Variants in PDK1 observed in about 807,000 individuals in gnomAD.
PDK1 encodes the protein [Pyruvate dehydrogenase (acetyl-transferring)] kinase isozyme 1, mitochondrial.
A neutral mutation model predicts 54.2 loss-of-function variants in PDK1; 39 were observed. The observed-to-expected ratio is 0.72, with a 90% confidence interval of 0.56 to 0.94. The LOEUF (loss-of-function observed/expected upper bound fraction) is 0.94. Among genes scored for constraint, PDK1 ranks in the 40% least tolerant of loss-of-function variants. PDK1 has a pLI of 0.00. For missense variants in PDK1, 552 were observed against 566.0 expected (o/e 0.98, Z 0.25); for synonymous variants, 221 against 207.1 (o/e 1.07, Z -0.58).
At chr2:172,688,729 CT>C in the PDK1 span, among the ~76,000 whole-genome samples, 1 of 152,296 alleles carries the variant, frequency 6.6e-6, no homozygotes, top group African/African-American at 2.4e-5. Context: ...TGCACTCCCC[CT>C]AGCACCTGTA....
chr2:172,700,273 C>T, the PDK1 span, among the ~76,000 whole-genome samples: 3 of 152,154 alleles, frequency 2.0e-5, no homozygotes, highest in Non-Finnish European at 4.4e-5. Context: ...CTGTTGGGTA[C>T]ACCTCCCAGA....
At chr2:172,592,377 CTCTT>C (rs1248588275) in intron 9 of PDK1, among the ~76,000 whole-genome samples, 7 of 152,162 alleles carry the variant, frequency 4.6e-5, no homozygotes, top group African/African-American at 1.7e-4. Context: ...TTTTGTGTCT[CTCTT>C]TCTCTCTCTC....
chr2:172,710,254 A>T, the PDK1 span, among the ~76,000 whole-genome samples: 1 of 152,246 alleles, frequency 6.6e-6, no homozygotes, highest in Admixed American at 6.5e-5. Context: ...AAGCTGATCC[A>T]AATTCACAAA....
the PDK1 span, among the ~76,000 whole-genome samples, chr2:172,695,610 G>C: frequency 2.0e-5 from 3 of 152,166 alleles, no homozygotes; most frequent in Non-Finnish European, 4.4e-5. Context: ...TATGGCAAAG[G>C]TGATAGATGC....
intron 3 of PDK1, chr2:172,562,601 A>G (rs1404914252): frequency 6.2e-6 from 4 of 643,748 alleles, no homozygotes; most frequent in Non-Finnish European, 8.2e-6. Flanking sequence ...GCCCCAGCTG[A>G]TCTTTGCCAT....
chr2:172,574,292 A>G (rs568568477), intron 8 of PDK1, among the ~76,000 whole-genome samples: 1 of 152,322 alleles, frequency 6.6e-6, no homozygotes, highest in African/African-American at 2.4e-5. Flanking sequence ...TGATGTATAT[A>G]TCTCTCGTTA....
the PDK1 span, among the ~76,000 whole-genome samples, chr2:172,690,911 G>T: frequency 5.0e-3 from 744 of 149,882 alleles, 51 homozygotes; most frequent in South Asian, 0.02. Flanking sequence ...TGAGTTGATG[G>T]GTACAGCAAA....
At chr2:172,719,249 G>T in the PDK1 span, among the ~76,000 whole-genome samples, 1 of 152,176 alleles carries the variant, frequency 6.6e-6, no homozygotes, top group East Asian at 1.9e-4. Context: ...CCAGCATTTG[G>T]AGGTTATGAA....
At chr2:172,722,232 C>T in the PDK1 span, among the ~76,000 whole-genome samples, 3 of 152,240 alleles carry the variant, frequency 2.0e-5, no homozygotes, top group African/African-American at 7.2e-5. Context: ...TCCCATCCCC[C>T]AAGCCTGGAG....
In PDK1 at chr2:172,597,736, C is replaced by T. The variant is rs1357793154; in HGVS notation, c.*1767C>T. On this transcript the variant is annotated 3_prime_UTR_variant, in exon 11 of 11. Transcript: ENST00000282077. Reference sequence around the variant, plus strand: ...TGTGTTGTTAGTTATCCCTCAACATCTTCTAAGGTGGCAGGAAATAATATT... The same window carrying T: ...TGTGTTGTTAGTTATCCCTCAACATTTTCTAAGGTGGCAGGAAATAATATT... 1 of 152,160 alleles carries T rather than the reference C, an allele frequency of 6.6e-6. No homozygotes were observed. Among genetic ancestry groups the T allele is most frequent in the African/African-American group, 2.4e-5 (1 of 41,426 alleles). The allele number at this position is 152,160 out of a possible 1,614,324, so 9.4% of individuals were successfully genotyped here. A position where few individuals can be genotyped will look rare whatever the true frequency, so the allele number is the denominator to read the frequency against.
chr2:172,659,205 C>T, the PDK1 span, among the ~76,000 whole-genome samples: 15 of 152,252 alleles, frequency 9.9e-5, no homozygotes, highest in Middle Eastern at 3.4e-3. Flanking sequence ...TTTCTCAGAC[C>T]GCCAACACTT....
At chr2:172,636,163 T>C in the PDK1 span, among the ~76,000 whole-genome samples, 2 of 152,254 alleles carry the variant, frequency 1.3e-5, no homozygotes, top group Non-Finnish European at 2.9e-5. Context: ...AGAAGGTCTA[T>C]GTCTTCATCT....
chr2:172,665,419 A>G, the PDK1 span, among the ~76,000 whole-genome samples: 1 of 152,126 alleles, frequency 6.6e-6, no homozygotes, highest in African/African-American at 2.4e-5. Context: ...ATGAGAAATT[A>G]TGTTCTGAGG....
At chr2:172,628,254 A>G in the PDK1 span, among the ~76,000 whole-genome samples, 1 of 152,244 alleles carries the variant, frequency 6.6e-6, no homozygotes, top group Non-Finnish European at 1.5e-5. Flanking sequence ...GCGTTAGCTT[A>G]GCTACCTGAG....
the PDK1 span, among the ~76,000 whole-genome samples, chr2:172,695,971 G>C: frequency 1.3e-5 from 2 of 152,006 alleles, no homozygotes; most frequent in Non-Finnish European, 2.9e-5. Context: ...TCAGAAGTTT[G>C]TGACCAGGCT....
At chr2:172,557,495 A>T (rs1426853225) in intron 1 of PDK1, among the ~76,000 whole-genome samples, 1 of 152,164 alleles carries the variant, frequency 6.6e-6, no homozygotes. Flanking sequence ...TAGAGGGGTC[A>T]GGAGACTTTC....
At chr2:172,699,618 G>A in the PDK1 span, among the ~76,000 whole-genome samples, 1 of 151,590 alleles carries the variant, frequency 6.6e-6, no homozygotes, top group African/African-American at 2.4e-5. Context: ...GTCTTTTCAG[G>A]TTTCTTTTCC....
the PDK1 span, among the ~76,000 whole-genome samples, chr2:172,642,410 T>G: frequency 6.6e-6 from 1 of 151,950 alleles, no homozygotes; most frequent in African/African-American, 2.4e-5. Context: ...GGTGTAGGAG[T>G]GGCTGTGAAA....
the PDK1 span, among the ~76,000 whole-genome samples, chr2:172,637,844 C>A: frequency 6.6e-6 from 1 of 152,048 alleles, no homozygotes; most frequent in East Asian, 1.9e-4. Flanking sequence ...TACAGGCGCA[C>A]ACCACCACGC....
Sources: gnomAD v4.1 joint callset for allele counts (sites outside exome capture counted in the v4.1 genomes callset) on GRCh38, gnomAD v4.1.1 for gene constraint, MANE v1.5 for transcripts, NCBI Gene and HGNC (gene_info 2026-07-23, HGNC 2026-07-21) for gene names.